The following DIP2C variants were observed in gnomAD, a reference collection of about 807,000 sequenced individuals.
The protein encoded by DIP2C is DIP2 acetate--CoA ligase C (putative).
In DIP2C, 33 loss-of-function variants were observed where a neutral mutation model predicts 192.4. The observed-to-expected ratio is 0.17, with a 90% CI of 0.13 to 0.23. The LOEUF (loss-of-function observed/expected upper bound fraction) is 0.23, where lower values mean the gene tolerates loss of function less well. Among genes scored for constraint, DIP2C ranks in the 10% least tolerant of loss-of-function variants. The pLI, the probability that DIP2C is intolerant of heterozygous loss-of-function variation, is 1.00. For synonymous variants in DIP2C, 979 were observed against 864.1 expected (o/e 1.13, Z -2.33); for missense variants, 1,537 against 2,110.1 (o/e 0.73, Z 5.32).
intron 1 of DIP2C, among the ~76,000 whole-genome samples, chr10:572,208 G>A (rs550486842): frequency 5.9e-5 from 9 of 152,320 alleles, no homozygotes; most frequent in Non-Finnish European, 2.9e-5. Context: ...AGGATCACAC[G>A]TGTGCAGACA....
At chr10:332,142 G>A (rs888597916) in intron 29 of DIP2C, among the ~76,000 whole-genome samples, 8 of 152,040 alleles carry the variant, frequency 5.3e-5, no homozygotes, top group African/African-American at 1.7e-4. Flanking sequence ...TGTGGAGATG[G>A]GGTCTCACTA....
chr10:476,583 G>A (rs573933551), intron 2 of DIP2C, among the ~76,000 whole-genome samples: 30 of 152,256 alleles, frequency 2.0e-4, no homozygotes, highest in East Asian at 1.2e-3. Flanking sequence ...CGAGCGGCCC[G>A]GTGTCACCCT....
At chr10:338,356 C>T (rs1339435065) in intron 29 of DIP2C, among the ~76,000 whole-genome samples, 7 of 152,074 alleles carry the variant, frequency 4.6e-5, no homozygotes, top group African/African-American at 1.7e-4. Flanking sequence ...CGCTTACTCA[C>T]CAACTCGCCA....
intron 4 of DIP2C, among the ~76,000 whole-genome samples, chr10:427,776 T>A (rs1453506185): frequency 6.6e-6 from 1 of 152,230 alleles, no homozygotes. Context: ...CTTCTCATGA[T>A]GTGGAGAAAC....
At chr10:517,812 A>G (rs990039621) in intron 1 of DIP2C, among the ~76,000 whole-genome samples, 2 of 150,946 alleles carry the variant, frequency 1.3e-5, no homozygotes, top group Admixed American at 1.3e-4. Flanking sequence ...ATTAACAACC[A>G]GTAGCCTTTC....
chr10:467,165 A>G (rs1199041853), intron 3 of DIP2C, among the ~76,000 whole-genome samples: 4 of 152,200 alleles, frequency 2.6e-5, no homozygotes, highest in Non-Finnish European at 5.9e-5. Flanking sequence ...TGGATTAAGA[A>G]AATGTGGCAC....
intron 1 of DIP2C, among the ~76,000 whole-genome samples, chr10:617,643 C>T (rs1853560499): frequency 6.6e-6 from 1 of 150,512 alleles, no homozygotes; most frequent in South Asian, 2.1e-4. Flanking sequence ...TGTCCAGGCT[C>T]CTGTGGATAC....
At chr10:359,782 A>C (rs1178167524) in intron 22 of DIP2C, among the ~76,000 whole-genome samples, 3 of 152,130 alleles carry the variant, frequency 2.0e-5, no homozygotes, top group Non-Finnish European at 2.9e-5. Context: ...TTCTGAATGA[A>C]GCATCTTTAA....
Position 675,439 on chromosome 10 carries a change from A to G in DIP2C, c.85+14055T>C, listed in dbSNP as rs571716913. On this transcript the variant is annotated intron_variant, in intron 1 of 36. Transcript: ENST00000280886. ...GGAGAAAAGAAATAACAAAGATCAA[A>G]GAGGAACTAAATAAAATTAAACTAA... Among the ~76,000 whole-genome samples the G allele has an allele frequency of 6.6e-5, 10 of 152,302 alleles. No individual in the cohort carries two copies. In the South Asian group the frequency reaches 1.7e-3, roughly 25 times the overall value.
intron 29 of DIP2C, among the ~76,000 whole-genome samples, chr10:334,654 T>G (rs4506561): frequency 0.12 from 18,744 of 152,202 alleles, 1,627 homozygotes; most frequent in East Asian, 0.25. Context: ...CATGTGAATG[T>G]CCGAATTTCC....
Position 562,078 on chromosome 10 carries a change from G to T in DIP2C, c.86-75548C>A, listed in dbSNP as rs1310064715. On this transcript the variant is annotated intron_variant, in intron 1 of 36. Transcript: ENST00000280886. ...TAAAGAAAAATGTGTAAGCTTTACT[G>T]CATGAAATCAGCTACATCTTTTGCT... is the stretch of plus-strand genomic sequence containing the variant. Among the ~76,000 whole-genome samples the T allele has an allele frequency of 2.6e-5, 4 of 152,230 alleles. No individual in the cohort carries two copies. The East Asian group carries it at 7.7e-4, about 29-fold the overall frequency.
intron 3 of DIP2C, among the ~76,000 whole-genome samples, chr10:456,442 A>C (rs993643174): frequency 7.8e-6 from 1 of 128,386 alleles, no homozygotes; most frequent in Admixed American, 7.2e-5. Flanking sequence ...AACACTCTGC[A>C]GTGAGTCCCT....
intron 1 of DIP2C, among the ~76,000 whole-genome samples, chr10:579,732 CA>C (rs1751443515): frequency 6.6e-6 from 1 of 151,984 alleles, no homozygotes; most frequent in South Asian, 2.1e-4. Flanking sequence ...ATCAATACAG[CA>C]TACATAGGTA....
chr10:415,644 C>A, intron 7 of DIP2C, 125 bp downstream of exon 7: 5 of 1,346,102 alleles, frequency 3.7e-6, no homozygotes, highest in Non-Finnish European at 5.1e-6. Flanking sequence ...ACCTGGGTTC[C>A]CATCATGCGG....
intron 1 of DIP2C, chr10:650,506 C>A (rs938650651): frequency 1.4e-6 from 1 of 693,710 alleles, no homozygotes; most frequent in Admixed American, 2.0e-5. Flanking sequence ...TCCCTATACT[C>A]TTCCCCTGCC....
In DIP2C at chr10:414,202, T is replaced by C. The variant is rs182372134; in HGVS notation, c.860-92A>G. On this transcript the variant is annotated intron_variant, in intron 7 of 36. Transcript: ENST00000280886. ...CTTTATAAAGAAGCCAAGAGATTTA[T>C]ACTTAAGCTGTACATTTATTAGCTG... 185 of 1,395,136 alleles carry C rather than the reference T, an allele frequency of 1.3e-4. No homozygotes were observed. The East Asian group carries it at 4.2e-3, about 31-fold the overall frequency. The allele number at this position is 1,395,136 out of a possible 1,614,324, so 86.4% of individuals were successfully genotyped here.
intron 1 of DIP2C, among the ~76,000 whole-genome samples, chr10:623,794 G>A (rs901580364): frequency 3.3e-5 from 5 of 151,966 alleles, no homozygotes; most frequent in African/African-American, 1.2e-4. Context: ...GAGCAGGGGA[G>A]GGATGTAGGG....
intron 1 of DIP2C, among the ~76,000 whole-genome samples, chr10:539,366 T>C (rs920746849): frequency 3.3e-5 from 5 of 152,234 alleles, no homozygotes; most frequent in African/African-American, 9.6e-5. Context: ...TTAAACAATA[T>C]AGTTTAACAA....
intron 1 of DIP2C, among the ~76,000 whole-genome samples, chr10:508,780 A>G (rs577986763): frequency 5.0e-4 from 76 of 152,336 alleles, no homozygotes; most frequent in African/African-American, 1.7e-3. Flanking sequence ...CCGCACATAC[A>G]GGAGATGGCG....
Sources: allele counts gnomAD v4.1 joint callset (sites outside exome capture counted in the v4.1 genomes callset), GRCh38; gene constraint gnomAD v4.1.1; transcripts MANE v1.5; gene names NCBI Gene and HGNC (gene_info 2026-07-23, HGNC 2026-07-21).